Variants in RBCK1 observed in about 807,000 individuals in gnomAD.
RBCK1 encodes the protein ranBP-type and C3HC4-type zinc finger-containing protein 1.
In RBCK1, 44 loss-of-function variants were observed where a neutral mutation model predicts 71.1. That is an observed-to-expected ratio of 0.62 (90% CI 0.49 to 0.80). The LOEUF is 0.80. Among genes scored for constraint, RBCK1 ranks in the 30% least tolerant of loss-of-function variants. The pLI, the probability that RBCK1 is intolerant of heterozygous loss-of-function variation, is 0.00. For synonymous variants in RBCK1, 306 were observed against 279.7 expected, an observed-to-expected ratio of 1.09 and a Z score of -0.94; for missense variants, 569 against 685.0, an observed-to-expected ratio of 0.83 and a Z score of 1.89.
chr20:420,383 G>A, intron 6 of RBCK1: 1 of 982,302 alleles, frequency 1.0e-6, no homozygotes, highest in African/African-American at 1.8e-5. Flanking sequence ...CATTCCCCTT[G>A]GACCCGGTGC....
intron 6 of RBCK1, chr20:420,287 C>T (rs1457970125): frequency 1.0e-6 from 1 of 985,006 alleles, no homozygotes; most frequent in African/African-American, 1.8e-5. Flanking sequence ...TAGCCCTACC[C>T]CGCCCCCATC....
chr20:409,288 A>G (rs2015554417), intron 1 of RBCK1, among the ~76,000 whole-genome samples: 2 of 152,072 alleles, frequency 1.3e-5, no homozygotes, highest in Admixed American at 1.3e-4. Flanking sequence ...TTCTCATCCA[A>G]CCATTTTTTG....
chr20:409,050 G>C (rs1452139721), intron 1 of RBCK1, among the ~76,000 whole-genome samples: 1 of 152,244 alleles, frequency 6.6e-6, no homozygotes, highest in Non-Finnish European at 1.5e-5. Flanking sequence ...TCCTGGGCTG[G>C]TGGGAGACAG....
At chr20:426,534 A>G (rs781465884) in intron 8 of RBCK1, among the ~76,000 whole-genome samples, 8 of 152,136 alleles carry the variant, frequency 5.3e-5, no homozygotes, top group Non-Finnish European at 7.3e-5. Context: ...GCAGGATTGC[A>G]TTCTTTTTTG....
intron 9 of RBCK1, among the ~76,000 whole-genome samples, chr20:427,840 C>G (rs2016815793): frequency 6.6e-6 from 1 of 152,168 alleles, no homozygotes; most frequent in Non-Finnish European, 1.5e-5. Context: ...CAAACCTGAC[C>G]CTGCACTTGT....
At chr20:410,124 G>A (rs1173273039) in intron 2 of RBCK1, 99 bp downstream of exon 2, 10 of 1,377,096 alleles carry the variant, frequency 7.3e-6, no homozygotes, top group Non-Finnish European at 9.8e-7. Context: ...GGCTTCAGGA[G>A]GCCTGGCTTC....
chr20:428,679 A>G lies in RBCK1; in HGVS notation c.1308+90A>G. 1.4e-6 allele frequency: 2 copies of G among 1,416,396 alleles called. No individual in the cohort carries two copies. The highest frequency in any genetic ancestry group is 1.9e-6 in the Non-Finnish European group (2 of 1,056,704). The allele number at this position is 1,416,396 out of a possible 1,614,324, so 87.7% of individuals were successfully genotyped here. On this transcript the variant is annotated intron_variant, in intron 10 of 11. Transcript: ENST00000356286. This position sits in a 1 kb window ranked among gnomAD's most constrained non-coding sequence, Gnocchi z 5.7. The stretch of plus-strand genomic sequence containing the variant: ...GCTTCCCAGTAAGGGCTGTGCTCAC[A>G]CATCCCTGGAGGCTCTGACCTCCCT...
rs748388237 is a variant in RBCK1, at chr20:429,120, G to A, written c.1452+26G>A. The A allele has an allele frequency of 1.5e-5, 24 of 1,598,356 alleles. No homozygotes were observed. The Admixed American group carries it at 4.1e-4, about 27-fold the overall frequency. ...GTGAGTCTTTGCTCGTGGTGGTGTG[G>A]AGAGGGTGCCCTTGTGGGCTTTGCC... On this transcript the variant is annotated intron_variant, in intron 11 of 11. Transcript: ENST00000356286.
chr20:429,372 A>G (rs1029155642), intron 11 of RBCK1, among the ~76,000 whole-genome samples: 2 of 151,992 alleles, frequency 1.3e-5, no homozygotes, highest in African/African-American at 2.4e-5. Context: ...GATTACAGGC[A>G]TGCGCCACCA....
At chr20:427,190 GA>G in intron 8 of RBCK1, 122 bp from the exon 9 acceptor site, 1 of 901,958 alleles carries the variant, frequency 1.1e-6, no homozygotes, top group South Asian at 1.7e-5. Context: ...ATTACATGAA[GA>G]AAAGAGCCTG....
chr20:415,229 A>G (rs2122208773), intron 2 of RBCK1, among the ~76,000 whole-genome samples: 1 of 152,222 alleles, frequency 6.6e-6, no homozygotes, highest in East Asian at 1.9e-4. Flanking sequence ...TTAGCTAGGC[A>G]TGGTGGTGCG....
In RBCK1 at chr20:431,881, C is replaced by T. The variant is rs1410513278; in HGVS notation, c.*1451C>T. Among the ~76,000 whole-genome samples, 1 of 152,186 alleles carries T rather than the reference C, an allele frequency of 6.6e-6. No individual in the cohort carries two copies. Among genetic ancestry groups the T allele is most frequent in the Non-Finnish European group, 1.5e-5 (1 of 68,026 alleles). On this transcript the variant is annotated 3_prime_UTR_variant, in exon 12 of 12. Transcript: ENST00000356286. This position sits in a 1 kb window ranked among gnomAD's most constrained non-coding sequence, Gnocchi z 4.8. ...GGAAACAGAAAAAGCAGAGGAGAGC[C>T]AGGCTGCAGGCGTGTGGATGGGACC...
At position 422,415 on chromosome 20, in the gene RBCK1, C is replaced by A. The variant is rs1297373586; in HGVS notation, c.1029+177C>A. Among the ~76,000 whole-genome samples, 1 of 151,942 alleles carries A rather than the reference C, an allele frequency of 6.6e-6. No individual in the cohort carries two copies. Among genetic ancestry groups the A allele is most frequent in the African/African-American group, 2.4e-5 (1 of 41,352 alleles). On this transcript the variant is annotated intron_variant, in intron 8 of 11. Transcript: ENST00000356286. This position sits in a 1 kb window ranked among gnomAD's most constrained non-coding sequence, Gnocchi z 5.0. ...TAAGCGATCATTCATCCTCAGCCCC[C>A]CAGACATTTTTCAAGAGCTTTGTCC... is the stretch of plus-strand genomic sequence containing the variant.
chr20:420,523 C>G, intron 6 of RBCK1: 1 of 984,508 alleles, frequency 1.0e-6, no homozygotes, highest in Non-Finnish European at 1.2e-6. Flanking sequence ...CCACTCAGAC[C>G]CCGGCCCCCT....
At chr20:426,625 G>A (rs1489798449) in intron 8 of RBCK1, among the ~76,000 whole-genome samples, 2 of 151,836 alleles carry the variant, frequency 1.3e-5, no homozygotes, top group Non-Finnish European at 2.9e-5. Flanking sequence ...TCCCAACATT[G>A]CTTATTATTT....
chr20:420,842 C>G, intron 6 of RBCK1, 29 bp from the exon 7 acceptor site: 1 of 1,537,578 alleles, frequency 6.5e-7, no homozygotes, highest in Non-Finnish European at 8.7e-7. Flanking sequence ...GGCCCTGACC[C>G]GCCCCGTGGC....
chr20:417,242 G>T lies in RBCK1; in HGVS notation c.168-284G>T. On this transcript the variant is annotated intron_variant, in intron 2 of 11. Transcript: ENST00000356286. This position sits in a 1 kb window ranked among gnomAD's most constrained non-coding sequence, Gnocchi z 4.7. ...AAGGAGCAGGGGAGAGAAGACAGAA[G>T]AGGTTGGAGAGGTCAGGGAGGTGCC... 1 of 634,652 alleles carries T rather than the reference G, an allele frequency of 1.6e-6. No individual in the cohort carries two copies. The highest frequency in any genetic ancestry group is 3.4e-5 in the East Asian group (1 of 29,034). 39.3% of individuals were successfully genotyped at this position (634,652 alleles called of 1,614,324 possible).
In RBCK1 at chr20:430,225, A is replaced by C; in HGVS notation, c.1453-125A>C. The C allele has an allele frequency of 2.5e-6, 2 of 795,468 alleles. No homozygotes were observed. The highest frequency in any genetic ancestry group is 2.2e-5 in the Admixed American group (1 of 45,414). The allele number at this position is 795,468 out of a possible 1,614,324, so 49.3% of individuals were successfully genotyped here. On this transcript the variant is annotated intron_variant, in intron 11 of 11. Transcript: ENST00000356286. This position sits in a 1 kb window ranked among gnomAD's most constrained non-coding sequence, Gnocchi z 5.6. ...TCAGTGACTCTCCATCAGGTAGCTG[A>C]GGCTGACCAGGCCATTCTTGCAGGA... is the stretch of plus-strand genomic sequence containing the variant.
At chr20:427,146 C>T (rs553415950) in intron 8 of RBCK1, among the ~76,000 whole-genome samples, 167 bp from the exon 9 acceptor site, 2 of 152,020 alleles carry the variant, frequency 1.3e-5, no homozygotes, top group South Asian at 2.1e-4. Context: ...GCCTAAAATC[C>T]ACTCTTTGAA....
Sources: gnomAD v4.1 joint callset for allele counts (sites outside exome capture counted in the v4.1 genomes callset) on GRCh38, gnomAD v4.1.1 for gene constraint, Gnocchi (gnomAD v3.1) non-coding constraint, MANE v1.5 for transcripts, NCBI Gene and HGNC (gene_info 2026-07-23, HGNC 2026-07-21) for gene names.